The following RORB variants were observed in gnomAD, a reference collection of about 807,000 sequenced individuals.
RORB encodes the protein RAR related orphan receptor B.
A neutral mutation model predicts 59.1 loss-of-function variants in RORB; 6 were observed. The observed-to-expected ratio is 0.10, with a 90% confidence interval of 0.06 to 0.20. RORB has a LOEUF of 0.20. Ranked by LOEUF, RORB falls within the 10% of genes least tolerant of loss-of-function variation. The pLI is 1.00. For missense variants in RORB, 320 were observed against 560.5 expected, an observed-to-expected ratio of 0.57 and a Z score of 4.33; for synonymous variants, 215 against 204.5, an observed-to-expected ratio of 1.05 and a Z score of -0.44.
intron 4 of RORB, among the ~76,000 whole-genome samples, chr9:74,652,318 G>A (rs1824006504): frequency 6.6e-6 from 1 of 152,098 alleles, no homozygotes; most frequent in African/African-American, 2.4e-5. Context: ...TGAGGAAGGA[G>A]AATCCCTTAA....
In RORB at chr9:74,525,181, T is replaced by C. The variant is rs558279012; in HGVS notation, c.7+27198T>C. The stretch of plus-strand genomic sequence containing the variant: ...GCGAGCAATACTTCATTTTATCAAC[T>C]GAATGGAGAAAGAAGTGTGTTTTAT... On this transcript the variant is annotated intron_variant, in intron 1 of 9. Coordinates refer to ENST00000376896, the MANE Select transcript of RORB (RefSeq NM_006914.4). 6.6e-5 allele frequency among the ~76,000 whole-genome samples: 10 copies of C among 152,078 alleles called. No homozygotes were observed. In the South Asian group the frequency reaches 2.1e-3, roughly 31 times the overall value.
rs185147571 is a variant in RORB, at chr9:74,665,146, G to A, written c.893-342G>A. ...GAAAAATGTATTTTCAAAAAGTAAT[G>A]TCCAGCTTAGCCACCTGTAAAATAT... On this transcript the variant is annotated intron_variant, in intron 6 of 9. Transcript: ENST00000376896. Among the ~76,000 whole-genome samples, 10 of 152,240 alleles carry A rather than the reference G, an allele frequency of 6.6e-5. No individual in the cohort carries two copies. The East Asian group carries it at 1.9e-3, about 29-fold the overall frequency.
chr9:74,691,506 G>C lies in RORB; in HGVS notation c.*5888G>C, dbSNP rs150622957. On this transcript the variant is annotated 3_prime_UTR_variant, in exon 10 of 10. Transcript: ENST00000376896. ...ATTACACCCACAGAAAACTGAGTAT[G>C]TATTGTAGAAATGTAGAGGAAAAAT... The C allele has an allele frequency of 1.8e-4, 27 of 152,272 alleles. No homozygotes were observed. The East Asian group carries it at 5.2e-3, about 29-fold the overall frequency. 9.4% of individuals were successfully genotyped at this position (152,272 alleles called of 1,614,324 possible). A position where few individuals can be genotyped will look rare whatever the true frequency, so the allele number is the denominator to read the frequency against.
At chr9:74,666,185 G>A (rs1489434528) in intron 7 of RORB, among the ~76,000 whole-genome samples, 1 of 152,180 alleles carries the variant, frequency 6.6e-6, no homozygotes, top group African/African-American at 2.4e-5. Context: ...TACTCAGGAG[G>A]CTGAGGCAAG....
intron 1 of RORB, among the ~76,000 whole-genome samples, chr9:74,542,425 A>T (rs988086117): frequency 1.3e-5 from 2 of 152,222 alleles, no homozygotes; most frequent in Non-Finnish European, 2.9e-5. Flanking sequence ...TAAATTGCAA[A>T]GTAGACACAA....
rs1314802517 is a variant in RORB, at chr9:74,501,219, A to C, written c.7+3236A>C. 2.0e-5 allele frequency among the ~76,000 whole-genome samples: 3 copies of C among 152,174 alleles called. No individual in the cohort carries two copies. In the East Asian group the frequency reaches 5.8e-4, roughly 29 times the overall value. Reference sequence around the variant, plus strand: ...TGGGGCGGATTAGAAATCTGGTTTTATACTTGCTATAAACAAGGATTGGGT... The same window carrying C: ...TGGGGCGGATTAGAAATCTGGTTTTCTACTTGCTATAAACAAGGATTGGGT... On this transcript the variant is annotated intron_variant, in intron 1 of 9. Coordinates refer to ENST00000376896, the MANE Select transcript of RORB (RefSeq NM_006914.4).
At chr9:74,543,149 A>T (rs544591036) in intron 1 of RORB, among the ~76,000 whole-genome samples, 5 of 152,270 alleles carry the variant, frequency 3.3e-5, no homozygotes, top group African/African-American at 1.2e-4. Flanking sequence ...AGGTACACTC[A>T]CACCACTCAA....
intron 1 of RORB, among the ~76,000 whole-genome samples, chr9:74,626,855 G>A (rs1823525935): frequency 6.6e-6 from 1 of 152,204 alleles, no homozygotes; most frequent in African/African-American, 2.4e-5. Flanking sequence ...CTGTCTGGAA[G>A]ATGTGCTTTA....
At chr9:74,512,802 C>T (rs1825959794) in intron 1 of RORB, among the ~76,000 whole-genome samples, 1 of 152,074 alleles carries the variant, frequency 6.6e-6, no homozygotes, top group Non-Finnish European at 1.5e-5. Flanking sequence ...TTTCTGCCTC[C>T]CCCTTTACAA....
intron 8 of RORB, among the ~76,000 whole-genome samples, chr9:74,668,247 G>A (rs1479066926): frequency 1.3e-5 from 2 of 152,222 alleles, no homozygotes; most frequent in Non-Finnish European, 2.9e-5. Context: ...TAAATGTCCA[G>A]TTGGATGAGA....
chr9:74,606,868 C>T (rs1823157812), intron 1 of RORB, among the ~76,000 whole-genome samples: 1 of 152,142 alleles, frequency 6.6e-6, no homozygotes, highest in African/African-American at 2.4e-5. Context: ...TGAACCAAAC[C>T]TACACATCTA....
At chr9:74,678,645 C>G (rs1824488630) in intron 9 of RORB, among the ~76,000 whole-genome samples, 1 of 152,042 alleles carries the variant, frequency 6.6e-6, no homozygotes, top group Admixed American at 6.5e-5. Flanking sequence ...GTCTATGGAC[C>G]AAACACTGAT....
intron 1 of RORB, among the ~76,000 whole-genome samples, chr9:74,617,090 C>T (rs1485039815): frequency 5.0e-4 from 5 of 9,996 alleles, no homozygotes; most frequent in Non-Finnish European, 2.4e-3. Flanking sequence ...ACCACCCGCT[C>T]CCCCCGCAAA....
At chr9:74,664,529 G>T (rs890109232) in intron 6 of RORB, among the ~76,000 whole-genome samples, 1 of 152,146 alleles carries the variant, frequency 6.6e-6, no homozygotes, top group Non-Finnish European at 1.5e-5. Flanking sequence ...GAATGTAAGA[G>T]GCCAAAGAAA....
At chr9:74,514,229 C>A (rs1054282170) in intron 1 of RORB, among the ~76,000 whole-genome samples, 5 of 152,014 alleles carry the variant, frequency 3.3e-5, no homozygotes, top group Non-Finnish European at 7.4e-5. Context: ...GAATCAGCAA[C>A]CCTGAAATCC....
chr9:74,631,443 G>T lies in RORB; in HGVS notation c.93+1076G>T, dbSNP rs1159398961. On this transcript the variant is annotated intron_variant, in intron 2 of 9. Coordinates refer to ENST00000376896, the MANE Select transcript of RORB (RefSeq NM_006914.4). ...TTAAGGCCAGTAAACTGAAGGAAGT[G>T]TAGTACAGTCATAGAGTCTTAAGAT... 2.7e-5 allele frequency among the ~76,000 whole-genome samples: 3 copies of T among 112,800 alleles called. No homozygotes were observed. In the South Asian group the frequency reaches 1.1e-3, roughly 42 times the overall value. 74.0% of individuals were successfully genotyped at this position (112,800 alleles called of 152,430 possible).
chr9:74,662,547 A>T lies in RORB; in HGVS notation c.833A>T (p.Lys278Met). ...ATCCAATACGTGGTGGAGTTTGCAA[A>T]GCGGATAACAGGCTTCATGGAGCTC... ...HAIQYVVEFA[K>M]RITGFMELCQ... Residue 278 changes from lysine to methionine, a missense_variant, in exon 6 of 10, where the codon AAG becomes ATG. Physicochemically the swap from Lys to Met is moderately conservative, Grantham distance 95. Coordinates refer to ENST00000376896, the MANE Select transcript of RORB (RefSeq NM_006914.4). 6.2e-7 allele frequency: 1 copy of T among 1,614,102 alleles called. No individual in the cohort carries two copies. The highest frequency in any genetic ancestry group is 8.5e-7 in the Non-Finnish European group (1 of 1,179,998).
intron 1 of RORB, among the ~76,000 whole-genome samples, chr9:74,610,985 T>C (rs2118356922): frequency 6.6e-6 from 1 of 152,316 alleles, no homozygotes; most frequent in South Asian, 2.1e-4. Context: ...CAAGCTATTT[T>C]TAATGACATT....
At chr9:74,646,204 A>T (rs577216998) in intron 4 of RORB, among the ~76,000 whole-genome samples, 1 of 152,278 alleles carries the variant, frequency 6.6e-6, no homozygotes, top group South Asian at 2.1e-4. Context: ...CTAAGAGAAT[A>T]ATGAAATGTA....
Sources: gnomAD v4.1 joint callset for allele counts (sites outside exome capture counted in the v4.1 genomes callset) on GRCh38, gnomAD v4.1.1 for gene constraint, MANE v1.5 for transcripts, NCBI Gene and HGNC (gene_info 2026-07-23, HGNC 2026-07-21) for gene names.